RPS6KC1: variants seen among roughly 807,000 people sequenced by gnomAD.
RPS6KC1 encodes the protein inactive ribosomal protein S6 kinase delta-1.
In RPS6KC1, 54 loss-of-function variants were observed where a neutral mutation model predicts 103.8. The observed-to-expected ratio is 0.52, with a 90% CI of 0.42 to 0.65. RPS6KC1 has a LOEUF of 0.65. RPS6KC1 is among the 30% of genes least tolerant of loss of function. The pLI is 0.00. For missense variants in RPS6KC1, 1,151 were observed against 1,253.8 expected, an observed-to-expected ratio of 0.92 and a Z score of 1.24; for synonymous variants, 439 against 438.7, an observed-to-expected ratio of 1.00 and a Z score of -0.01.
the RPS6KC1 span, among the ~76,000 whole-genome samples, chr1:213,450,325 G>A: frequency 6.7e-6 from 1 of 149,928 alleles, no homozygotes. Flanking sequence ...AATAAGCTGA[G>A]TTTGTAGATT....
the RPS6KC1 span, among the ~76,000 whole-genome samples, chr1:213,410,451 G>A: frequency 6.6e-6 from 1 of 152,150 alleles, no homozygotes; most frequent in South Asian, 2.1e-4. Context: ...AAGGCATTGG[G>A]GCTAAGATCC....
chr1:213,785,546 ACTTTT>A, the RPS6KC1 span, among the ~76,000 whole-genome samples: 1 of 147,076 alleles, frequency 6.8e-6, no homozygotes, highest in Admixed American at 7.0e-5. Context: ...CTCCATGCCA[ACTTTT>A]AATGAGTGTT....
chr1:213,651,820 G>A, the RPS6KC1 span, among the ~76,000 whole-genome samples: 2 of 152,240 alleles, frequency 1.3e-5, no homozygotes, highest in Admixed American at 1.3e-4. Context: ...AGCAAGTGCT[G>A]AGAGCAGGAA....
At chr1:213,498,453 TTTTCTTTTA>T in the RPS6KC1 span, among the ~76,000 whole-genome samples, 1 of 147,618 alleles carries the variant, frequency 6.8e-6, no homozygotes, top group East Asian at 2.0e-4. Flanking sequence ...TTTTCTTTTC[TTTTCTTTTA>T]TTTTCTTTTT....
intron 3 of RPS6KC1, among the ~76,000 whole-genome samples, chr1:213,099,877 G>C (rs2081856479): frequency 6.6e-6 from 1 of 152,118 alleles, no homozygotes. Context: ...TTTATCCACT[G>C]TTCTATCAAT....
At chr1:213,382,144 A>C in the RPS6KC1 span, among the ~76,000 whole-genome samples, 1 of 152,172 alleles carries the variant, frequency 6.6e-6, no homozygotes. Flanking sequence ...CCAGTCCTAC[A>C]TCTGCTCCCT....
intron 12 of RPS6KC1, among the ~76,000 whole-genome samples, chr1:213,259,114 A>C (rs945186056): frequency 6.6e-6 from 1 of 152,256 alleles, no homozygotes; most frequent in Admixed American, 6.5e-5. Flanking sequence ...GGAAAAAACT[A>C]TGCAGATGAA....
chr1:213,333,328 G>A, the RPS6KC1 span, among the ~76,000 whole-genome samples: 3 of 152,162 alleles, frequency 2.0e-5, no homozygotes, highest in African/African-American at 7.2e-5. Context: ...TGGATGTGGT[G>A]GAATGGAATG....
At chr1:213,089,411 G>A (rs1450964908) in intron 3 of RPS6KC1, among the ~76,000 whole-genome samples, 1 of 149,216 alleles carries the variant, frequency 6.7e-6, no homozygotes, top group Non-Finnish European at 1.5e-5. Context: ...AGATGTATGT[G>A]TGTGCCCTTT....
the RPS6KC1 span, among the ~76,000 whole-genome samples, chr1:213,664,715 G>T: frequency 2.6e-5 from 4 of 152,108 alleles, no homozygotes; most frequent in African/African-American, 2.4e-5. Flanking sequence ...CATGTTGCAT[G>T]GCCTCCTTGG....
At chr1:213,527,806 A>G in the RPS6KC1 span, among the ~76,000 whole-genome samples, 3 of 152,196 alleles carry the variant, frequency 2.0e-5, no homozygotes, top group Non-Finnish European at 2.9e-5. Flanking sequence ...TTAATTAGTA[A>G]TAGCCTACTA....
the RPS6KC1 span, among the ~76,000 whole-genome samples, chr1:213,407,208 A>G: frequency 1.1e-5 from 1 of 89,040 alleles, no homozygotes; most frequent in East Asian, 3.3e-4. Context: ...GTAATATTAC[A>G]TGCACGCGCG....
At chr1:213,407,213 C>CGT in the RPS6KC1 span, among the ~76,000 whole-genome samples, 3 of 18,038 alleles carry the variant, frequency 1.7e-4, no homozygotes, top group Non-Finnish European at 2.7e-4. Flanking sequence ...ATTACATGCA[C>CGT]GCGCGCACAC....
the RPS6KC1 span, among the ~76,000 whole-genome samples, chr1:213,656,877 G>C: frequency 9.2e-5 from 14 of 152,176 alleles, no homozygotes; most frequent in Non-Finnish European, 1.2e-4. Context: ...TCTGGGAAGA[G>C]AGCAGTACCT....
chr1:213,458,048 G>A, the RPS6KC1 span, among the ~76,000 whole-genome samples: 1 of 152,090 alleles, frequency 6.6e-6, no homozygotes, highest in African/African-American at 2.4e-5. Flanking sequence ...GGTTTGTTAC[G>A]TGGGTATATT....
chr1:213,184,374 TC>T (rs2092429844), intron 8 of RPS6KC1, among the ~76,000 whole-genome samples: 1 of 152,030 alleles, frequency 6.6e-6, no homozygotes, highest in South Asian at 2.1e-4. Flanking sequence ...TAAAATTAAT[TC>T]TATACCATGA....
the RPS6KC1 span, among the ~76,000 whole-genome samples, chr1:213,576,348 A>G: frequency 1.3e-5 from 2 of 149,908 alleles, no homozygotes; most frequent in Non-Finnish European, 3.0e-5. Flanking sequence ...ACCTTGCATT[A>G]TTGAGCTTTT....
chr1:213,229,919 T>C (rs2094050163), intron 8 of RPS6KC1, among the ~76,000 whole-genome samples: 1 of 152,188 alleles, frequency 6.6e-6, no homozygotes, highest in African/African-American at 2.4e-5. Context: ...TAAGAGTTGA[T>C]CTTTGCTTGA....
the RPS6KC1 span, among the ~76,000 whole-genome samples, chr1:213,319,420 T>C: frequency 6.6e-6 from 1 of 152,006 alleles, no homozygotes; most frequent in African/African-American, 2.4e-5. Context: ...GGAAGACAGC[T>C]TAAGAAGAGA....
Sources: allele counts gnomAD v4.1 joint callset (sites outside exome capture counted in the v4.1 genomes callset), GRCh38; gene constraint gnomAD v4.1.1; transcripts MANE v1.5; gene names NCBI Gene and HGNC (gene_info 2026-07-23, HGNC 2026-07-21).